Variants in POU2F3 observed in about 807,000 individuals in gnomAD.
The protein encoded by POU2F3 is POU domain, class 2, transcription factor 3.
In POU2F3, 23 loss-of-function variants were observed where a neutral mutation model predicts 59.2. The observed-to-expected ratio is 0.39, with a 90% CI of 0.28 to 0.55. The LOEUF (loss-of-function observed/expected upper bound fraction) is 0.55. POU2F3 is among the 20% of genes least tolerant of loss of function. The pLI is 0.66. For missense variants in POU2F3, 473 were observed against 544.5 expected, an observed-to-expected ratio of 0.87 and a Z score of 1.31; for synonymous variants, 190 against 214.6, an observed-to-expected ratio of 0.89 and a Z score of 1.00.
At chr11:120,305,888 C>G in intron 8 of POU2F3, 103 bp downstream of exon 8, 4 of 1,381,802 alleles carry the variant, frequency 2.9e-6, no homozygotes, top group Non-Finnish European at 3.9e-6. Flanking sequence ...ACCTAACACC[C>G]CCTTCTTCTC....
upstream of POU2F3, chr11:120,236,821 A>T: frequency 1.8e-6 from 2 of 1,099,558 alleles, no homozygotes; most frequent in Non-Finnish European, 1.3e-6. Context: ...CCCTATACAC[A>T]GGTGGGACTT....
intron 3 of POU2F3, among the ~76,000 whole-genome samples, chr11:120,288,859 A>ATG (rs1591420826): frequency 7.6e-6 from 1 of 131,930 alleles, no homozygotes; most frequent in African/African-American, 2.7e-5. Context: ...ATACATGTGC[A>ATG]TATTTTCATA....
chr11:120,286,567 G>A (rs905234720), intron 3 of POU2F3, among the ~76,000 whole-genome samples: 9 of 152,156 alleles, frequency 5.9e-5, no homozygotes, highest in African/African-American at 2.2e-4. Context: ...ATGCAGTCCA[G>A]TACAGGAAAC....
At chr11:120,299,296 T>C (rs1435160351) in intron 4 of POU2F3, among the ~76,000 whole-genome samples, 1 of 152,214 alleles carries the variant, frequency 6.6e-6, no homozygotes, top group African/African-American at 2.4e-5. Context: ...CTTTGAGAGA[T>C]GGGTCATACC....
chr11:120,297,010 A>C (rs1487811562), intron 3 of POU2F3, among the ~76,000 whole-genome samples: 2 of 152,244 alleles, frequency 1.3e-5, no homozygotes, highest in African/African-American at 4.8e-5. Flanking sequence ...AAGATATCCC[A>C]GGATGTCAGT....
intron 5 of POU2F3, 68 bp from the exon 6 acceptor site, chr11:120,302,218 G>A (rs1481321269): frequency 5.7e-5 from 79 of 1,386,240 alleles, no homozygotes; most frequent in Middle Eastern, 3.6e-4. Context: ...TGCCAAAGTT[G>A]TAGCACATGT....
intron 3 of POU2F3, among the ~76,000 whole-genome samples, chr11:120,280,963 T>C (rs1940543596): frequency 6.6e-6 from 1 of 152,146 alleles, no homozygotes; most frequent in Admixed American, 6.5e-5. Flanking sequence ...TGTTTGCCTG[T>C]GTGTGCCTGC....
intron 3 of POU2F3, among the ~76,000 whole-genome samples, chr11:120,272,270 A>G (rs1343586506): frequency 6.6e-6 from 1 of 152,106 alleles, no homozygotes; most frequent in Non-Finnish European, 1.5e-5. Flanking sequence ...AGTTCACACA[A>G]TTGGTTGACA....
chr11:120,272,601 C>T (rs1179071359), intron 3 of POU2F3, among the ~76,000 whole-genome samples: 4 of 152,238 alleles, frequency 2.6e-5, no homozygotes, highest in African/African-American at 9.6e-5. Context: ...CCAGTTGGTG[C>T]AGCCAGATTC....
At position 120,263,817 on chromosome 11, in the gene POU2F3, A is replaced by G. The variant is rs149707162; in HGVS notation, c.98-5393A>G. ...GCAGCCATCTTCCAAAGACGGAGCCAGGGCTTGGAAATAGAACGTGTTCAG... is the reference window on the plus strand; with the variant it reads ...GCAGCCATCTTCCAAAGACGGAGCCGGGGCTTGGAAATAGAACGTGTTCAG... On this transcript the variant is annotated intron_variant, in intron 2 of 12. Transcript: ENST00000543440. Among the ~76,000 whole-genome samples the G allele has an allele frequency of 3.6e-3, 552 of 152,336 alleles. 4 individuals carry two copies. Among genetic ancestry groups the G allele is most frequent in the African/African-American group, 0.013 (535 of 41,572 alleles).
intron 9 of POU2F3, 39 bp downstream of exon 9, chr11:120,307,654 C>T: frequency 6.2e-7 from 1 of 1,611,374 alleles, no homozygotes; most frequent in South Asian, 1.1e-5. Flanking sequence ...TGGGCTACCT[C>T]ACACAGGTAG....
rs1159866354 is a variant in POU2F3, at chr11:120,288,135, A to C, written c.133-10130A>C. ...GAAAACAAACAAAAAAACCAAAAAA[A>C]AAAAAAAAAAAAACAAGAAAAAAGG... On this transcript the variant is annotated intron_variant, in intron 3 of 12. Coordinates refer to ENST00000543440, the MANE Select transcript of POU2F3 (RefSeq NM_014352.4). Among the ~76,000 whole-genome samples the C allele has an allele frequency of 3.6e-4, 54 of 148,156 alleles. No individual in the cohort carries two copies. In the East Asian group the frequency reaches 8.9e-3, roughly 24 times the overall value.
intron 1 of POU2F3, 105 bp downstream of exon 1, chr11:120,240,476 G>A: frequency 8.0e-7 from 1 of 1,257,324 alleles, no homozygotes; most frequent in East Asian, 3.1e-5. Context: ...TTTCCCAGCG[G>A]CCAGGAGAGG....
At chr11:120,299,213 T>A (rs1460414977) in intron 4 of POU2F3, among the ~76,000 whole-genome samples, 2 of 152,230 alleles carry the variant, frequency 1.3e-5, no homozygotes, top group African/African-American at 4.8e-5. Flanking sequence ...GGCATGGCTT[T>A]TAGCATAACC....
intron 2 of POU2F3, among the ~76,000 whole-genome samples, chr11:120,250,976 C>CA (rs1314731650): frequency 0.021 from 2,766 of 131,542 alleles, 77 homozygotes; most frequent in African/African-American, 0.063. Flanking sequence ...AACTCCGTCT[C>CA]AAAAAAAAAA....
Position 120,248,838 on chromosome 11 carries a change from T to A in POU2F3, c.97+2321T>A, listed in dbSNP as rs146265853. Among the ~76,000 whole-genome samples the A allele has an allele frequency of 2.3e-3, 346 of 152,356 alleles. 1 individual carries two copies. The highest frequency in any genetic ancestry group is 8.1e-3 in the African/African-American group (337 of 41,576). ...GAAGAAAGCTTATTATGAGTCACAA[T>A]GGTTACCAACTTGGTTTAATGGCTT... On this transcript the variant is annotated intron_variant, in intron 2 of 12. Transcript: ENST00000543440.
chr11:120,293,468 A>C (rs1188438031), intron 3 of POU2F3, among the ~76,000 whole-genome samples: 1 of 152,192 alleles, frequency 6.6e-6, no homozygotes, highest in South Asian at 2.1e-4. Flanking sequence ...TCAGTTACAA[A>C]ACAGAAACTC....
chr11:120,283,634 G>C (rs1940659534), intron 3 of POU2F3, among the ~76,000 whole-genome samples: 1 of 152,104 alleles, frequency 6.6e-6, no homozygotes, highest in African/African-American at 2.4e-5. Context: ...CCTGACCCTA[G>C]CCTGCCCCCA....
intron 2 of POU2F3, among the ~76,000 whole-genome samples, chr11:120,255,596 C>T (rs938676012): frequency 6.6e-6 from 1 of 152,052 alleles, no homozygotes; most frequent in African/African-American, 2.4e-5. Flanking sequence ...AGCCTGCTGG[C>T]AAATGTCGGC....
Sources: allele counts gnomAD v4.1 joint callset (sites outside exome capture counted in the v4.1 genomes callset), GRCh38; gene constraint gnomAD v4.1.1; transcripts MANE v1.5; gene names NCBI Gene and HGNC (gene_info 2026-07-23, HGNC 2026-07-21).